The following KLHL1 variants were observed in gnomAD, a reference collection of about 807,000 sequenced individuals.
KLHL1 encodes the protein kelch like family member 1.
KLHL1 carries 47 observed loss-of-function variants against 77.7 expected under a neutral mutation model. The observed-to-expected ratio is 0.60, with a 90% CI of 0.48 to 0.77. The LOEUF (loss-of-function observed/expected upper bound fraction) is 0.77. Among genes scored for constraint, KLHL1 ranks in the 30% least tolerant of loss-of-function variants. The probability of loss-of-function intolerance (pLI) is 0.00; values close to 1 mark genes in which losing one functional copy is unlikely to be tolerated. For synonymous variants in KLHL1, 360 were observed against 325.2 expected, an observed-to-expected ratio of 1.11 and a Z score of -1.15; for missense variants, 925 against 910.8, an observed-to-expected ratio of 1.02 and a Z score of -0.20.
chr13:69,962,063 A>G (rs1884082026), intron 2 of KLHL1, among the ~76,000 whole-genome samples: 1 of 151,488 alleles, frequency 6.6e-6, no homozygotes, highest in South Asian at 2.1e-4. Context: ...TTATTTGGGG[A>G]GACTTGACAT....
In KLHL1 at chr13:69,737,783, G is replaced by A. The variant is rs529363333; in HGVS notation, c.1802+2611C>T. Among the ~76,000 whole-genome samples, 20 of 152,308 alleles carry A rather than the reference G, an allele frequency of 1.3e-4. No individual in the cohort carries two copies. In the East Asian group the frequency reaches 2.1e-3, roughly 16 times the overall value. Reference sequence around the variant, plus strand: ...GGAGGAGGGGCAGCTGTAGTATCACGCATCAGTGGTCTCAGTCTTTTCTGG... The same window carrying A: ...GGAGGAGGGGCAGCTGTAGTATCACACATCAGTGGTCTCAGTCTTTTCTGG... On this transcript the variant is annotated intron_variant, in intron 8 of 10. Coordinates refer to ENST00000377844, the MANE Select transcript of KLHL1 (RefSeq NM_020866.3).
chr13:70,064,317 G>A (rs746639429), intron 1 of KLHL1, among the ~76,000 whole-genome samples: 2 of 152,102 alleles, frequency 1.3e-5, no homozygotes, highest in Non-Finnish European at 2.9e-5. Flanking sequence ...TTTGAAATGG[G>A]TTAAATTTCA....
chr13:70,023,625 C>T (rs769564997), intron 1 of KLHL1, among the ~76,000 whole-genome samples: 1 of 151,874 alleles, frequency 6.6e-6, no homozygotes, highest in East Asian at 1.9e-4. Context: ...AAGCCTGAAG[C>T]CTCATTTACA....
intron 9 of KLHL1, among the ~76,000 whole-genome samples, chr13:69,710,080 TATA>T (rs898466878): frequency 1.3e-5 from 2 of 151,572 alleles, no homozygotes; most frequent in Non-Finnish European, 2.9e-5. Flanking sequence ...ATGTTGCAAA[TATA>T]AGTATATATA....
At chr13:69,992,958 T>C (rs553296515) in intron 1 of KLHL1, among the ~76,000 whole-genome samples, 32 of 152,056 alleles carry the variant, frequency 2.1e-4, no homozygotes, top group South Asian at 4.1e-4. Flanking sequence ...ACAGTGTCAG[T>C]AACTCAGCTG....
At position 69,779,407 on chromosome 13, in the gene KLHL1, CCTTTCCTTCCCTTTTTCCTT is replaced by C. The variant is rs1375345944; in HGVS notation, c.1639+17311_1639+17330del. On this transcript the variant is annotated intron_variant, in intron 7 of 10. Coordinates refer to ENST00000377844, the MANE Select transcript of KLHL1 (RefSeq NM_020866.3). ...CCTCCCCTGTCCTCCCCTCTTCCCTCCTTTCCTTCCCTTTTTCCTTCTTTCCTTTCTCCTTCTTTCCTTTC... is the reference window on the plus strand; with the variant it reads ...CCTCCCCTGTCCTCCCCTCTTCCCTCCTTTCCTTTCTCCTTCTTTCCTTTC... Among the ~76,000 whole-genome samples, 6 of 149,030 alleles carry C rather than the reference CCTTTCCTTCCCTTTTTCCTT, an allele frequency of 4.0e-5. 1 individual carries two copies. The highest frequency in any genetic ancestry group is 4.4e-4 in the South Asian group (2 of 4,532).
intron 10 of KLHL1, among the ~76,000 whole-genome samples, chr13:69,703,001 T>C (rs1410980645): frequency 2.0e-5 from 3 of 151,748 alleles, no homozygotes; most frequent in South Asian, 2.1e-4. Flanking sequence ...AACCTAAGTT[T>C]ACCTGACTCC....
chr13:69,845,572 GTATC>G (rs1879427187), intron 5 of KLHL1, among the ~76,000 whole-genome samples: 1 of 151,496 alleles, frequency 6.6e-6, no homozygotes, highest in Non-Finnish European at 1.5e-5. Context: ...GAAATTGCAA[GTATC>G]TATTATTTTA....
intron 1 of KLHL1, among the ~76,000 whole-genome samples, chr13:70,018,304 T>A (rs1048092330): frequency 6.6e-6 from 1 of 152,206 alleles, no homozygotes; most frequent in Non-Finnish European, 1.5e-5. Context: ...AAATAAATTG[T>A]CCAATGTCAT....
chr13:69,784,880 A>C (rs1471352613), intron 7 of KLHL1, among the ~76,000 whole-genome samples: 2 of 124,022 alleles, frequency 1.6e-5, no homozygotes, highest in African/African-American at 5.9e-5. Context: ...AACAGAATAT[A>C]CATTTTTTTT....
chr13:69,701,461 T>A lies in KLHL1; in HGVS notation c.*241A>T, dbSNP rs2137862601. On this transcript the variant is annotated 3_prime_UTR_variant, in exon 11 of 11. Transcript: ENST00000377844. ...ATTGTATGCTATAATACAAAACAAATTACCAATAACCATTCCCGAACTAAC... is the reference window on the plus strand; with the variant it reads ...ATTGTATGCTATAATACAAAACAAAATACCAATAACCATTCCCGAACTAAC... The A allele has an allele frequency of 2.4e-6, 1 of 419,060 alleles. No homozygotes were observed. The highest frequency in any genetic ancestry group is 4.5e-5 in the East Asian group (1 of 22,196). 26.0% of individuals were successfully genotyped at this position (419,060 alleles called of 1,614,324 possible).
At chr13:69,970,508 C>G (rs568329488) in intron 2 of KLHL1, among the ~76,000 whole-genome samples, 1 of 152,156 alleles carries the variant, frequency 6.6e-6, no homozygotes, top group Non-Finnish European at 1.5e-5. Flanking sequence ...ATGTTAGTAC[C>G]TAAAGCACCC....
chr13:69,925,736 G>A (rs1882794876), intron 4 of KLHL1, among the ~76,000 whole-genome samples: 1 of 152,056 alleles, frequency 6.6e-6, no homozygotes, highest in African/African-American at 2.4e-5. Flanking sequence ...GTCTTTACAA[G>A]TTAATTTCAA....
At chr13:69,725,027 A>C (rs1873234059) in intron 8 of KLHL1, among the ~76,000 whole-genome samples, 1 of 152,108 alleles carries the variant, frequency 6.6e-6, no homozygotes, top group Non-Finnish European at 1.5e-5. Flanking sequence ...TTTGTTTCAC[A>C]TCCAAGGGAT....
At chr13:69,860,726 T>G (rs1880117623) in intron 5 of KLHL1, among the ~76,000 whole-genome samples, 1 of 149,210 alleles carries the variant, frequency 6.7e-6, no homozygotes, top group Non-Finnish European at 1.5e-5. Flanking sequence ...AAAAATATTG[T>G]TCAAAGTTTA....
intron 1 of KLHL1, among the ~76,000 whole-genome samples, chr13:70,066,828 G>A (rs1172172911): frequency 6.6e-6 from 1 of 152,044 alleles, no homozygotes; most frequent in Non-Finnish European, 1.5e-5. Context: ...TGATGAAAGT[G>A]GCCAAATTTT....
At chr13:69,827,227 A>G (rs897809355) in intron 6 of KLHL1, among the ~76,000 whole-genome samples, 2 of 151,714 alleles carry the variant, frequency 1.3e-5, no homozygotes, top group Admixed American at 6.6e-5. Context: ...AATATAATAG[A>G]GCATATTTAA....
chr13:69,902,135 A>C (rs781019490), intron 4 of KLHL1, among the ~76,000 whole-genome samples: 1 of 152,146 alleles, frequency 6.6e-6, no homozygotes, highest in Non-Finnish European at 1.5e-5. Context: ...GTCACTTTTG[A>C]AATGATAAGG....
At chr13:69,783,272 C>T (rs1876327012) in intron 7 of KLHL1, among the ~76,000 whole-genome samples, 1 of 152,170 alleles carries the variant, frequency 6.6e-6, no homozygotes, top group Non-Finnish European at 1.5e-5. Flanking sequence ...GAGCACCTCT[C>T]CTCCTCCAAA....
Sources: allele counts gnomAD v4.1 joint callset (sites outside exome capture counted in the v4.1 genomes callset), GRCh38; gene constraint gnomAD v4.1.1; transcripts MANE v1.5; gene names NCBI Gene and HGNC (gene_info 2026-07-23, HGNC 2026-07-21).